The following PHF14 variants were observed in gnomAD, a reference collection of about 807,000 sequenced individuals.
PHF14 encodes the protein PHD finger protein 14.
Under a neutral mutation model 117.9 loss-of-function variants are expected in PHF14, and 55 were observed. The ratio of observed to expected loss-of-function variants is 0.47; its 90% CI spans 0.38 to 0.58. The LOEUF is 0.58. Among genes scored for constraint, PHF14 ranks in the 20% least tolerant of loss-of-function variants. The probability of loss-of-function intolerance (pLI) is 0.00; values close to 1 mark genes in which losing one functional copy is unlikely to be tolerated. For missense variants in PHF14, 978 were observed against 1,122.2 expected (o/e 0.87, Z 1.84); for synonymous variants, 409 against 368.6 (o/e 1.11, Z -1.26).
intron 7 of PHF14, 75 bp from the exon 8 acceptor site, chr7:11,035,565 A>G (rs905027806): frequency 2.4e-5 from 20 of 846,432 alleles, no homozygotes; most frequent in East Asian, 1.2e-4. Context: ...AGGAAGTAAT[A>G]TTCTTTTGTG....
chr7:10,983,616 C>G (rs1341867997), intron 3 of PHF14, among the ~76,000 whole-genome samples: 2 of 152,086 alleles, frequency 1.3e-5, no homozygotes, highest in Admixed American at 1.3e-4. Flanking sequence ...TTTTCTGAAA[C>G]CTTTAGAGAT....
At chr7:11,156,838 T>A (rs1468866762) in intron 17 of PHF14, among the ~76,000 whole-genome samples, 1 of 152,108 alleles carries the variant, frequency 6.6e-6, no homozygotes, top group African/African-American at 2.4e-5. Flanking sequence ...TACACTTAAG[T>A]TTATTTCCAA....
intron 16 of PHF14, among the ~76,000 whole-genome samples, chr7:11,096,790 A>G (rs1360044764): frequency 1.3e-5 from 2 of 152,136 alleles, no homozygotes; most frequent in African/African-American, 4.8e-5. Flanking sequence ...GGAACTACAT[A>G]GGAAGTAAAG....
At chr7:10,993,114 A>G (rs1264309534) in intron 4 of PHF14, among the ~76,000 whole-genome samples, 2 of 152,136 alleles carry the variant, frequency 1.3e-5, no homozygotes, top group Non-Finnish European at 2.9e-5. Flanking sequence ...TTTTTATTGC[A>G]TAAGCCTACC....
At chr7:11,153,923 T>C (rs1377112439) in intron 17 of PHF14, among the ~76,000 whole-genome samples, 1 of 149,440 alleles carries the variant, frequency 6.7e-6, no homozygotes, top group Non-Finnish European at 1.5e-5. Context: ...GGCAAGCCTA[T>C]GAAAGTGGTC....
chr7:11,121,910 G>A (rs940321757), intron 17 of PHF14, among the ~76,000 whole-genome samples: 48 of 151,128 alleles, frequency 3.2e-4, no homozygotes, highest in African/African-American at 9.7e-4. Flanking sequence ...GGTTTGTTCC[G>A]TAGGTATACA....
chr7:11,078,648 C>T (rs1022373177), intron 16 of PHF14, among the ~76,000 whole-genome samples: 8 of 152,054 alleles, frequency 5.3e-5, no homozygotes, highest in Non-Finnish European at 1.2e-4. Flanking sequence ...ATAGAATAAG[C>T]CTCTCACCCA....
chr7:11,061,628 C>T (rs1785224442), intron 14 of PHF14, 163 bp from the exon 15 acceptor site: 3 of 417,348 alleles, frequency 7.2e-6, no homozygotes. Flanking sequence ...TAAATGGTAA[C>T]AAAGTGCAGT....
intron 7 of PHF14, among the ~76,000 whole-genome samples, chr7:11,029,589 G>C (rs1784050736): frequency 6.6e-6 from 1 of 152,080 alleles, no homozygotes; most frequent in South Asian, 2.1e-4. Flanking sequence ...TTTAGTAAAA[G>C]TGTATACTTC....
At chr7:11,163,296 A>T (rs1318294769) in intron 17 of PHF14, among the ~76,000 whole-genome samples, 1 of 152,168 alleles carries the variant, frequency 6.6e-6, no homozygotes, top group African/African-American at 2.4e-5. Flanking sequence ...AAAAATTCTT[A>T]TGCTTTTTAC....
In PHF14 at chr7:10,982,499, A is replaced by C; in HGVS notation, c.240A>C (p.Gln80His). 1.3e-6 allele frequency: 2 copies of C among 1,569,886 alleles called. No homozygotes were observed. The highest frequency in any genetic ancestry group is 1.7e-6 in the Non-Finnish European group (2 of 1,148,954). Reference protein sequence around the residue: ...LNEDIKVKEEQLKNSAEEEVL... With the variant: ...LNEDIKVKEEHLKNSAEEEVL... ...AAGATATTAAAGTAAAAGAAGAACAACTTAAAAATTCTGCAGAGGAAGAAG... is the reference window on the plus strand; with the variant it reads ...AAGATATTAAAGTAAAAGAAGAACACCTTAAAAATTCTGCAGAGGAAGAAG... The change falls in exon 3 of 18, where the codon CAA (glutamine) becomes CAC (histidine). Residue 80 changes from glutamine to histidine, a missense_variant. This residue lies in a region of PHF14 where 414 missense variants were observed against 376.4 expected (regional missense o/e 1.10). Transcript: ENST00000634607.
chr7:11,050,567 T>G (rs1234986282), intron 13 of PHF14, among the ~76,000 whole-genome samples: 2 of 152,144 alleles, frequency 1.3e-5, no homozygotes, highest in East Asian at 1.9e-4. Flanking sequence ...CAATTAATAT[T>G]AAAATGAGAA....
Position 11,169,513 on chromosome 7 carries a change from A to T in PHF14, c.*23A>T. 8.4e-7 allele frequency: 1 copy of T among 1,191,478 alleles called. No individual in the cohort carries two copies. Among genetic ancestry groups the T allele is most frequent in the Non-Finnish European group, 1.2e-6 (1 of 854,260 alleles). The allele number at this position is 1,191,478 out of a possible 1,614,324, so 73.8% of individuals were successfully genotyped here. ...TAAAAGATTTTCTGTAGTGTTTTTG[A>T]AAAGTTTGCAGCTTATGTAATAGCA... On this transcript the variant is annotated 3_prime_UTR_variant, in exon 18 of 18. Coordinates refer to ENST00000634607, the MANE Select transcript of PHF14 (RefSeq NM_001007157.2).
intron 4 of PHF14, among the ~76,000 whole-genome samples, chr7:10,994,914 G>A (rs749483493): frequency 5.3e-5 from 8 of 152,182 alleles, no homozygotes; most frequent in Non-Finnish European, 8.8e-5. Context: ...GGACCCGAGC[G>A]GGTTGCCATT....
At chr7:11,143,875 G>T (rs1301815212) in intron 17 of PHF14, among the ~76,000 whole-genome samples, 2 of 151,912 alleles carry the variant, frequency 1.3e-5, no homozygotes, top group Non-Finnish European at 2.9e-5. Context: ...TTGACAAATG[G>T]AACTATATCA....
At chr7:10,982,330 A>C in intron 2 of PHF14, 42 bp from the exon 3 acceptor site, 1 of 1,329,422 alleles carries the variant, frequency 7.5e-7, no homozygotes, top group Non-Finnish European at 1.0e-6. Context: ...GTGTGTATGT[A>C]TATACATATG....
intron 16 of PHF14, among the ~76,000 whole-genome samples, chr7:11,067,122 G>A (rs544033792): frequency 2.2e-4 from 34 of 152,200 alleles, no homozygotes; most frequent in African/African-American, 8.2e-4. Context: ...TCAGCAATAA[G>A]AAACAACCCC....
intron 2 of PHF14, among the ~76,000 whole-genome samples, chr7:10,976,206 A>G (rs10262117): frequency 0.014 from 2,093 of 152,306 alleles, 41 homozygotes; most frequent in African/African-American, 0.048. Flanking sequence ...AATTGAATTC[A>G]TCCGCAGCAA....
chr7:11,074,356 G>A (rs985347864), intron 16 of PHF14, among the ~76,000 whole-genome samples: 8 of 151,624 alleles, frequency 5.3e-5, no homozygotes, highest in Middle Eastern at 6.9e-3. Context: ...GACTACAGGC[G>A]CCTGCCACCA....
Sources: allele counts gnomAD v4.1 joint callset (sites outside exome capture counted in the v4.1 genomes callset), GRCh38; gene constraint gnomAD v4.1.1; regional missense constraint gnomAD v4.1.1; transcripts MANE v1.5; gene names NCBI Gene and HGNC (gene_info 2026-07-23, HGNC 2026-07-21).